DROSHA: variants seen among roughly 807,000 people sequenced by gnomAD.
The protein encoded by DROSHA is drosha ribonuclease III, also known as ribonuclease 3.
In DROSHA, 56 loss-of-function variants were observed where a neutral mutation model predicts 181.9. The observed-to-expected ratio is 0.31, with a 90% confidence interval of 0.25 to 0.38. DROSHA has a LOEUF of 0.38. Among genes scored for constraint, DROSHA ranks in the 10% least tolerant of loss-of-function variants. The probability of loss-of-function intolerance (pLI) is 1.00; values close to 1 mark genes in which losing one functional copy is unlikely to be tolerated. For missense variants in DROSHA, 1,218 were observed against 1,743.5 expected (o/e 0.70, Z 5.37); for synonymous variants, 524 against 591.2 (o/e 0.89, Z 1.65).
At chr5:31,487,812 T>C (rs1375807825) in intron 13 of DROSHA, among the ~76,000 whole-genome samples, 3 of 152,254 alleles carry the variant, frequency 2.0e-5, no homozygotes, top group Non-Finnish European at 2.9e-5. Flanking sequence ...ATAGCCATTA[T>C]CATTTTTAAG....
At chr5:31,403,872 A>G (rs1226348185) in intron 35 of DROSHA, among the ~76,000 whole-genome samples, 1 of 152,152 alleles carries the variant, frequency 6.6e-6, no homozygotes, top group Admixed American at 6.5e-5. Flanking sequence ...CCTACTCTAA[A>G]ACACATAGGT....
chr5:31,519,717 C>T (rs1385086236), intron 6 of DROSHA, among the ~76,000 whole-genome samples: 1 of 152,124 alleles, frequency 6.6e-6, no homozygotes, highest in East Asian at 1.9e-4. Flanking sequence ...TTAAAGACAA[C>T]TGTTAATATT....
chr5:31,446,270 C>A (rs967350298), intron 23 of DROSHA, among the ~76,000 whole-genome samples: 48 of 151,648 alleles, frequency 3.2e-4, no homozygotes, highest in African/African-American at 1.1e-3. Context: ...CACAGTGAGA[C>A]CCTGTCTCTA....
intron 5 of DROSHA, among the ~76,000 whole-genome samples, chr5:31,525,387 C>T (rs554876253): frequency 1.3e-5 from 2 of 148,540 alleles, no homozygotes; most frequent in Admixed American, 1.3e-4. Flanking sequence ...ACCTGTAATC[C>T]CAGCTACTTG....
chr5:31,493,884 A>G (rs1752658522), intron 12 of DROSHA, among the ~76,000 whole-genome samples: 1 of 151,974 alleles, frequency 6.6e-6, no homozygotes, highest in African/African-American at 2.4e-5. Context: ...TAATACATAT[A>G]TCAATCTAAG....
In DROSHA at chr5:31,410,743, C is replaced by T; in HGVS notation, c.3667+3G>A. The T allele has an allele frequency of 6.2e-7, 1 of 1,612,554 alleles. No homozygotes were observed. The highest frequency in any genetic ancestry group is 8.5e-7 in the Non-Finnish European group (1 of 1,179,206). Reference sequence around the variant, plus strand: ...GGTTGAGAGAAAAGTGTGTGGCACTCACATTCCAAAAGGTCCGCCAAGGTC... The same window carrying T: ...GGTTGAGAGAAAAGTGTGTGGCACTTACATTCCAAAAGGTCCGCCAAGGTC... On this transcript the variant is annotated splice_donor_region_variant and intron_variant, in intron 31 of 35. Transcript: ENST00000344624.
At chr5:31,462,562 G>C (rs1273929139) in intron 20 of DROSHA, among the ~76,000 whole-genome samples, 1 of 150,702 alleles carries the variant, frequency 6.6e-6, no homozygotes, top group Non-Finnish European at 1.5e-5. Flanking sequence ...GAGGGTAGAG[G>C]AAGGACATTT....
chr5:31,406,768 G>A, intron 34 of DROSHA, 85 bp downstream of exon 34: 2 of 1,247,754 alleles, frequency 1.6e-6, no homozygotes, highest in Non-Finnish European at 2.3e-6. Context: ...AAAAAAGACA[G>A]ATGACTGAGT....
chr5:31,521,345 C>T (rs907318188), intron 5 of DROSHA, 130 bp from the exon 6 acceptor site: 12 of 827,596 alleles, frequency 1.4e-5, no homozygotes, highest in Non-Finnish European at 1.9e-5. Context: ...CACTGGGGGA[C>T]ATTTTTATGC....
intron 33 of DROSHA, chr5:31,408,639 G>C (rs1740934763): frequency 1.8e-5 from 3 of 167,386 alleles, no homozygotes; most frequent in Non-Finnish European, 2.6e-5. Flanking sequence ...AAAGTGCAGA[G>C]AGGTACCCAA....
intron 23 of DROSHA, among the ~76,000 whole-genome samples, chr5:31,445,255 TCAGC>T (rs1746109098): frequency 6.6e-6 from 1 of 152,218 alleles, no homozygotes; most frequent in African/African-American, 2.4e-5. Flanking sequence ...CAGAGCCTCA[TCAGC>T]CATTAAGCAT....
At chr5:31,522,497 T>C (rs906029450) in intron 5 of DROSHA, among the ~76,000 whole-genome samples, 3 of 152,202 alleles carry the variant, frequency 2.0e-5, no homozygotes, top group African/African-American at 7.2e-5. Context: ...CATTTAAGAA[T>C]AACACTTCTA....
intron 16 of DROSHA, 58 bp from the exon 17 acceptor site, chr5:31,472,290 A>G: frequency 6.6e-7 from 1 of 1,513,252 alleles, no homozygotes; most frequent in Non-Finnish European, 8.9e-7. Flanking sequence ...AACTTACAGC[A>G]AATCAACAAC....
chr5:31,459,212 G>T (rs72549147), intron 20 of DROSHA, among the ~76,000 whole-genome samples: 143 of 152,182 alleles, frequency 9.4e-4, no homozygotes, highest in African/African-American at 3.3e-3. Context: ...CTTGCATCTT[G>T]TATGTTTTAA....
chr5:31,445,053 T>A (rs570804897), intron 23 of DROSHA, among the ~76,000 whole-genome samples: 1 of 152,340 alleles, frequency 6.6e-6, no homozygotes, highest in South Asian at 2.1e-4. Flanking sequence ...CGATTTTCTG[T>A]CACTTCCAGC....
intron 28 of DROSHA, 119 bp downstream of exon 28, chr5:31,424,308 G>A: frequency 7.7e-7 from 1 of 1,300,032 alleles, no homozygotes; most frequent in Non-Finnish European, 1.1e-6. Context: ...TCAGCTTAAA[G>A]GCACAATGCC....
At chr5:31,421,150 G>A in intron 30 of DROSHA, 122 bp downstream of exon 30, 1 of 751,986 alleles carries the variant, frequency 1.3e-6, no homozygotes, top group Non-Finnish European at 2.2e-6. Context: ...AATGAACAAA[G>A]CCAATGATAA....
chr5:31,467,403 C>A (rs1274628169), intron 18 of DROSHA: 1 of 151,984 alleles, frequency 6.6e-6, no homozygotes, highest in Non-Finnish European at 1.5e-5. Context: ...CATCCTAAAT[C>A]TTCTCCCAGA....
intron 21 of DROSHA, 139 bp downstream of exon 21, chr5:31,451,394 G>A: frequency 1.4e-6 from 1 of 695,268 alleles, no homozygotes; most frequent in Non-Finnish European, 2.4e-6. Flanking sequence ...GGCAACCAGG[G>A]TAGAGCAATG....
Sources: gnomAD v4.1 joint callset for allele counts (sites outside exome capture counted in the v4.1 genomes callset) on GRCh38, gnomAD v4.1.1 for gene constraint, MANE v1.5 for transcripts, NCBI Gene and HGNC (gene_info 2026-07-23, HGNC 2026-07-21) for gene names.